Variants in EBF1 observed in about 807,000 individuals in gnomAD.
EBF1 encodes the protein transcription factor COE1.
Under a neutral mutation model 68.4 loss-of-function variants are expected in EBF1, and 10 were observed. That is an observed-to-expected ratio of 0.15 (90% CI 0.09 to 0.25). EBF1 has a LOEUF of 0.25. Ranked by LOEUF, EBF1 falls within the 10% of genes least tolerant of loss-of-function variation. EBF1 has a pLI of 1.00. For synonymous variants in EBF1, 298 were observed against 299.8 expected (o/e 0.99, Z 0.06); for missense variants, 509 against 794.4 (o/e 0.64, Z 4.32).
intron 6 of EBF1, among the ~76,000 whole-genome samples, chr5:158,974,094 G>C (rs183771060): frequency 1.3e-5 from 2 of 152,212 alleles, no homozygotes; most frequent in Non-Finnish European, 2.9e-5. Context: ...CATAGATGCA[G>C]CTCATCCTCT....
intron 6 of EBF1, among the ~76,000 whole-genome samples, chr5:158,935,886 G>A (rs1391938354): frequency 1.3e-5 from 2 of 152,194 alleles, no homozygotes; most frequent in African/African-American, 4.8e-5. Flanking sequence ...TTTCAAATAA[G>A]TAGATGATTC....
intron 10 of EBF1, among the ~76,000 whole-genome samples, chr5:158,764,889 C>A (rs116339101): frequency 6.6e-6 from 1 of 151,984 alleles, no homozygotes; most frequent in African/African-American, 2.4e-5. Flanking sequence ...ATAAGTGAAC[C>A]GCTTCACTTC....
At chr5:158,769,436 G>T (rs1042424484) in intron 10 of EBF1, among the ~76,000 whole-genome samples, 1 of 152,094 alleles carries the variant, frequency 6.6e-6, no homozygotes, top group Non-Finnish European at 1.5e-5. Flanking sequence ...GGCTACTCAA[G>T]TCCTGATTAC....
chr5:158,754,716 A>G (rs1266912538), intron 10 of EBF1, among the ~76,000 whole-genome samples: 1 of 152,108 alleles, frequency 6.6e-6, no homozygotes, highest in Non-Finnish European at 1.5e-5. Flanking sequence ...AGCAAATACT[A>G]CATTTTGACC....
intron 13 of EBF1, 125 bp from the exon 14 acceptor site, chr5:158,712,458 G>C: frequency 1.9e-6 from 2 of 1,034,496 alleles, no homozygotes; most frequent in Admixed American, 4.5e-5. Context: ...AAGGGATTGG[G>C]TGATTCATGT....
chr5:158,819,692 A>C (rs1183791774), intron 8 of EBF1, among the ~76,000 whole-genome samples: 1 of 152,210 alleles, frequency 6.6e-6, no homozygotes, highest in Admixed American at 6.5e-5. Flanking sequence ...TTTTTCAAAA[A>C]TTGGAACTGA....
chr5:158,768,367 GA>G (rs1310587566), intron 10 of EBF1, among the ~76,000 whole-genome samples: 1 of 151,792 alleles, frequency 6.6e-6, no homozygotes, highest in Non-Finnish European at 1.5e-5. Context: ...ATTTTTAAAT[GA>G]AAAAAGATAA....
intron 6 of EBF1, among the ~76,000 whole-genome samples, chr5:158,917,103 T>C (rs1423698719): frequency 6.6e-6 from 1 of 152,210 alleles, no homozygotes; most frequent in Non-Finnish European, 1.5e-5. Flanking sequence ...GGGAGATCTA[T>C]AATAAAAACT....
At chr5:158,700,106 AC>A (rs1370689003) in intron 15 of EBF1, among the ~76,000 whole-genome samples, 2 of 152,192 alleles carry the variant, frequency 1.3e-5, no homozygotes, top group Non-Finnish European at 2.9e-5. Context: ...GACCTGATAG[AC>A]GTTAGCTGCT....
chr5:158,717,422 AG>A (rs1314165187), intron 11 of EBF1, among the ~76,000 whole-genome samples: 2 of 152,212 alleles, frequency 1.3e-5, no homozygotes, highest in Non-Finnish European at 2.9e-5. Flanking sequence ...GCAGGAGCAC[AG>A]TCTAAGGATC....
At chr5:158,932,482 G>A (rs1053336316) in intron 6 of EBF1, among the ~76,000 whole-genome samples, 1 of 152,166 alleles carries the variant, frequency 6.6e-6, no homozygotes, top group African/African-American at 2.4e-5. Flanking sequence ...AGCGTGAACA[G>A]TGGTTATTGA....
chr5:158,912,896 C>T (rs546952413), intron 6 of EBF1, among the ~76,000 whole-genome samples: 41 of 152,284 alleles, frequency 2.7e-4, no homozygotes, highest in South Asian at 4.1e-4. Context: ...AGATGCTGAC[C>T]GCAAAGGCAA....
intron 4 of EBF1, among the ~76,000 whole-genome samples, chr5:159,087,670 C>T (rs1780959139): frequency 6.6e-6 from 1 of 151,994 alleles, no homozygotes. Context: ...ATGGTTTTCC[C>T]AAACAGCAGA....
chr5:158,933,736 C>A (rs1811379005), intron 6 of EBF1, among the ~76,000 whole-genome samples: 1 of 152,172 alleles, frequency 6.6e-6, no homozygotes, highest in Non-Finnish European at 1.5e-5. Context: ...AGCTAAGTAA[C>A]CTAACACAGA....
intron 6 of EBF1, among the ~76,000 whole-genome samples, chr5:158,998,797 G>A (rs1342616936): frequency 1.3e-5 from 2 of 152,038 alleles, no homozygotes; most frequent in Non-Finnish European, 2.9e-5. Context: ...CATCTCACAG[G>A]CCAGCACCGG....
intron 10 of EBF1, 120 bp from the exon 11 acceptor site, chr5:158,731,277 G>C: frequency 2.2e-6 from 2 of 911,946 alleles, no homozygotes; most frequent in Non-Finnish European, 3.4e-6. Flanking sequence ...CTTTTGAATT[G>C]GATCACAAGA....
At chr5:158,932,181 T>A (rs575466126) in intron 6 of EBF1, among the ~76,000 whole-genome samples, 1 of 152,156 alleles carries the variant, frequency 6.6e-6, no homozygotes, top group Non-Finnish European at 1.5e-5. Flanking sequence ...GAATCTATCA[T>A]AAGGAAATCA....
At chr5:158,944,821 G>A (rs908080155) in intron 6 of EBF1, among the ~76,000 whole-genome samples, 3 of 152,164 alleles carry the variant, frequency 2.0e-5, no homozygotes, top group East Asian at 1.9e-4. Context: ...AATGACCAGC[G>A]ATGATGAGCT....
intron 6 of EBF1, among the ~76,000 whole-genome samples, chr5:159,012,700 T>C (rs766457827): frequency 6.6e-6 from 1 of 152,180 alleles, no homozygotes; most frequent in Non-Finnish European, 1.5e-5. Context: ...GGTTTCGCCA[T>C]GTTGGCCAGG....
Sources: allele counts gnomAD v4.1 joint callset (sites outside exome capture counted in the v4.1 genomes callset), GRCh38; gene constraint gnomAD v4.1.1; transcripts MANE v1.5; gene names NCBI Gene and HGNC (gene_info 2026-07-23, HGNC 2026-07-21).